The following RGPD4 variants were observed in gnomAD, a reference collection of about 807,000 sequenced individuals.
The protein encoded by RGPD4 is ranBP2-like and GRIP domain-containing protein 4.
A neutral mutation model predicts 141.1 loss-of-function variants in RGPD4; 84 were observed. The ratio of observed to expected loss-of-function variants is 0.60; its 90% CI spans 0.50 to 0.71. The LOEUF (loss-of-function observed/expected upper bound fraction) is 0.71. Among genes scored for constraint, RGPD4 ranks in the 30% least tolerant of loss-of-function variants. The pLI is 0.00. For missense variants in RGPD4, 918 were observed against 1,622.4 expected (o/e 0.57, Z 7.46); for synonymous variants, 298 against 566.8 (o/e 0.53, Z 6.74).
rs1304467434 is a variant in RGPD4, at chr2:107,886,321, C to T, written c.5266+3448C>T. On this transcript the variant is annotated intron_variant, in intron 22 of 22. Coordinates refer to ENST00000408999, the MANE Select transcript of RGPD4 (RefSeq NM_182588.3). ...ATTAAAAAAAAAAAGAAGAAATCTA[C>T]TTCTAGTCACATAAGAGTAAAACTG... 1.9e-4 allele frequency among the ~76,000 whole-genome samples: 21 copies of T among 110,676 alleles called. 2 individuals carry two copies. Among genetic ancestry groups the T allele is most frequent in the Admixed American group, 1.5e-3 (17 of 11,130 alleles). The allele number at this position is 110,676 out of a possible 152,430, so 72.6% of individuals were successfully genotyped here. A position where few individuals can be genotyped will look rare whatever the true frequency, so the allele number is the denominator to read the frequency against.
chr2:107,828,515 G>A (rs1681324775), intron 1 of RGPD4, among the ~76,000 whole-genome samples: 1 of 123,886 alleles, frequency 8.1e-6, no homozygotes, highest in African/African-American at 3.3e-5. Flanking sequence ...CCGGCCCGGC[G>A]GCGGCCTCGA....
chr2:107,861,095 A>G (rs1483766359), intron 13 of RGPD4, 99 bp from the exon 14 acceptor site: 1 of 442,354 alleles, frequency 2.3e-6, no homozygotes, highest in African/African-American at 4.6e-5. Flanking sequence ...GAATAATGAG[A>G]TGTTTGTCTC....
chr2:107,858,350 A>G (rs545022272), intron 9 of RGPD4, among the ~76,000 whole-genome samples: 2 of 152,368 alleles, frequency 1.3e-5, no homozygotes, highest in Admixed American at 1.3e-4. Flanking sequence ...GCAAATTGCC[A>G]AAATGACAGA....
intron 20 of RGPD4, among the ~76,000 whole-genome samples, chr2:107,877,786 G>T (rs1156375171): frequency 6.6e-6 from 1 of 151,746 alleles, no homozygotes; most frequent in South Asian, 2.1e-4. Flanking sequence ...GACTAACGTA[G>T]TTAAAAGTTT....
chr2:107,874,681 A>G (rs897176774), intron 20 of RGPD4, among the ~76,000 whole-genome samples: 3 of 150,384 alleles, frequency 2.0e-5, no homozygotes, highest in South Asian at 2.1e-4. Context: ...GTGCCTATAC[A>G]CTACTGTAGA....
intron 22 of RGPD4, among the ~76,000 whole-genome samples, chr2:107,886,260 C>A (rs1675509402): frequency 7.9e-6 from 1 of 126,994 alleles, no homozygotes; most frequent in Admixed American, 8.1e-5. Flanking sequence ...GGATATCTAT[C>A]CACAGATTCA....
rs1428009419 is a variant in RGPD4, at chr2:107,863,729, G to C, written c.2469+697G>C. On this transcript the variant is annotated intron_variant, in intron 17 of 22. Transcript: ENST00000408999. Reference sequence around the variant, plus strand: ...GCTGGTTTTGAACTTCTGACCTCAGGCGATCTGCCCGCCTTGGCCTCCCAA... The same window carrying C: ...GCTGGTTTTGAACTTCTGACCTCAGCCGATCTGCCCGCCTTGGCCTCCCAA... Among the ~76,000 whole-genome samples the C allele has an allele frequency of 2.8e-3, 427 of 151,916 alleles. 9 individuals are homozygous for C. The highest frequency in any genetic ancestry group is 9.4e-3 in the African/African-American group (389 of 41,242).
At chr2:107,880,327 G>A (rs569601428) in intron 21 of RGPD4, among the ~76,000 whole-genome samples, 5 of 123,630 alleles carry the variant, frequency 4.0e-5, no homozygotes, top group South Asian at 5.8e-4. Context: ...GCAGTGGCAC[G>A]ATCCCGGCTC....
chr2:107,870,684 T>C, intron 19 of RGPD4, 21 bp from the exon 20 acceptor site: 1 of 1,572,360 alleles, frequency 6.4e-7, no homozygotes, highest in Non-Finnish European at 8.7e-7. Context: ...TCAAGAAAAT[T>C]CACCTTCATT....
chr2:107,877,867 G>A (rs1264852600), intron 20 of RGPD4, among the ~76,000 whole-genome samples: 1 of 151,692 alleles, frequency 6.6e-6, no homozygotes, highest in Admixed American at 6.6e-5. Flanking sequence ...AGGCTGAAGT[G>A]CAGTGGCGTG....
chr2:107,830,196 G>C (rs757943382), intron 1 of RGPD4, among the ~76,000 whole-genome samples: 10 of 151,490 alleles, frequency 6.6e-5, no homozygotes, highest in Non-Finnish European at 1.3e-4. Flanking sequence ...AAATTCTAAA[G>C]TTCTTACAAA....
intron 1 of RGPD4, among the ~76,000 whole-genome samples, chr2:107,832,039 T>TGCA (rs1232223566): frequency 6.7e-6 from 1 of 149,076 alleles, no homozygotes; most frequent in Non-Finnish European, 1.5e-5. Context: ...GCCCTTGTTG[T>TGCA]GCAGTTTTGT....
At chr2:107,882,339 C>T (rs1442203618) in intron 21 of RGPD4, among the ~76,000 whole-genome samples, 1 of 151,888 alleles carries the variant, frequency 6.6e-6, no homozygotes, top group Non-Finnish European at 1.5e-5. Flanking sequence ...CACCCCTCTT[C>T]CTTCCAACCC....
chr2:107,827,024 G>A lies in RGPD4; in HGVS notation c.11G>A (p.Ser4Asn), dbSNP rs748885601. 8 of 1,599,670 alleles carry A rather than the reference G, an allele frequency of 5.0e-6. No homozygotes were observed. In the South Asian group the frequency reaches 6.8e-5, roughly 14 times the overall value. Residue 4 changes from serine to asparagine, a missense_variant, in exon 1 of 23, where the codon AGC becomes AAC. Ser to Asn is a conservative substitution (Grantham distance 46). Coordinates refer to ENST00000408999, the MANE Select transcript of RGPD4 (RefSeq NM_182588.3). The stretch of plus-strand genomic sequence containing the variant: ...CAGGTTGGTGGCGCGATGAGTTGCA[G>A]CAAGGCCTACGGGGAGCGGTACGTC... Reference protein sequence around the residue: MSCSKAYGERYVAS... With the variant: MSCNKAYGERYVAS...
chr2:107,872,688 A>G lies in RGPD4; in HGVS notation c.4684A>G (p.Asn1562Asp). Residue 1562 changes from asparagine (N) to aspartate (D), a missense_variant, in exon 20 of 23, where the codon AAC (asparagine) becomes GAC (aspartate). Transcript: ENST00000408999. ...SEKSKPFAFG[N>D]SSATGSLFGF... ...AAAATCAAAACCATTTGCATTTGGCAACAGTTCTGCCACTGGGTCTTTGTT... is the reference window on the plus strand; with the variant it reads ...AAAATCAAAACCATTTGCATTTGGCGACAGTTCTGCCACTGGGTCTTTGTT... 6.2e-7 allele frequency: 1 copy of G among 1,611,396 alleles called. No individual in the cohort carries two copies. Among genetic ancestry groups the G allele is most frequent in the Non-Finnish European group, 8.5e-7 (1 of 1,179,840 alleles).
rs1012456119 is a variant in RGPD4, at chr2:107,882,616, C to T, written c.5065-56C>T. The T allele has an allele frequency of 8.8e-6, 13 of 1,473,066 alleles. No homozygotes were observed. In the African/African-American group the frequency reaches 1.4e-4, roughly 16 times the overall value. The allele number at this position is 1,473,066 out of a possible 1,614,324, so 91.2% of individuals were successfully genotyped here. A position where few individuals can be genotyped will look rare whatever the true frequency, so the allele number is the denominator to read the frequency against. On this transcript the variant is annotated intron_variant, in intron 21 of 22. Transcript: ENST00000408999. Reference sequence around the variant, plus strand: ...AAGAAAAATACATGAGTTCAGTCTGCCATATTTAATCAGAAGCTCCTAAAG... The same window carrying T: ...AAGAAAAATACATGAGTTCAGTCTGTCATATTTAATCAGAAGCTCCTAAAG...
At chr2:107,840,901 G>A (rs1398686450) in intron 4 of RGPD4, among the ~76,000 whole-genome samples, 1 of 69,590 alleles carries the variant, frequency 1.4e-5, no homozygotes, top group Non-Finnish European at 3.2e-5. Flanking sequence ...ACAGGTGTGA[G>A]CCACTGTGCC....
At chr2:107,855,458 C>G (rs1180403563) in intron 8 of RGPD4, among the ~76,000 whole-genome samples, 1 of 151,808 alleles carries the variant, frequency 6.6e-6, no homozygotes, top group Non-Finnish European at 1.5e-5. Flanking sequence ...CCTTGCAGGG[C>G]TCTCATAAGT....
intron 6 of RGPD4, among the ~76,000 whole-genome samples, chr2:107,844,680 T>C (rs1328081080): frequency 7.7e-6 from 1 of 130,248 alleles, no homozygotes; most frequent in Non-Finnish European, 1.7e-5. Context: ...AACATAACTT[T>C]AAGATTATTT....
Sources: allele counts gnomAD v4.1 joint callset (sites outside exome capture counted in the v4.1 genomes callset), GRCh38; gene constraint gnomAD v4.1.1; transcripts MANE v1.5; gene names NCBI Gene and HGNC (gene_info 2026-07-23, HGNC 2026-07-21).